ACOT12: variants seen among roughly 807,000 people sequenced by gnomAD.
ACOT12 encodes the protein acyl-CoA thioesterase 12.
ACOT12 carries 51 observed loss-of-function variants against 67.7 expected under a neutral mutation model. That is an observed-to-expected ratio of 0.75 (90% CI 0.60 to 0.95). The LOEUF is 0.95. ACOT12 is among the 40% of genes least tolerant of loss of function. The probability of loss-of-function intolerance (pLI) is 0.00; values close to 1 mark genes in which losing one functional copy is unlikely to be tolerated. For synonymous variants in ACOT12, 251 were observed against 244.6 expected (o/e 1.03, Z -0.24); for missense variants, 734 against 708.1 (o/e 1.04, Z -0.41).
downstream of ACOT12, among the ~76,000 whole-genome samples, chr5:81,326,961 T>G (rs1402357703): frequency 2.0e-5 from 3 of 152,142 alleles, no homozygotes; most frequent in Non-Finnish European, 4.4e-5. Context: ...TTTTAATAAT[T>G]TACTCTAAAT....
At chr5:81,327,770 G>A (rs1183224422), downstream of ACOT12, among the ~76,000 whole-genome samples, 3 of 152,088 alleles carry the variant, frequency 2.0e-5, no homozygotes, top group Non-Finnish European at 4.4e-5. Context: ...AGAAGCTTTC[G>A]GTCCTGTTAG....
Position 81,330,271 on chromosome 5 carries a change from A to G in ACOT12, c.*123T>C. 2 of 1,103,330 alleles carry G rather than the reference A, an allele frequency of 1.8e-6. No individual in the cohort carries two copies. Among genetic ancestry groups the G allele is most frequent in the Non-Finnish European group, 2.5e-6 (2 of 800,278 alleles). The allele number at this position is 1,103,330 out of a possible 1,614,324, so 68.3% of individuals were successfully genotyped here. Reference sequence around the variant, plus strand: ...ATGCATTTTGTTTTTTAACTCCGTCACTGCATTTTGCTTAGGGTTATATTA... The same window carrying G: ...ATGCATTTTGTTTTTTAACTCCGTCGCTGCATTTTGCTTAGGGTTATATTA... On this transcript the variant is annotated 3_prime_UTR_variant, in exon 15 of 15. Coordinates refer to ENST00000307624, the MANE Select transcript of ACOT12 (RefSeq NM_130767.3).
intron 8 of ACOT12, among the ~76,000 whole-genome samples, 164 bp downstream of exon 8, chr5:81,344,727 C>T (rs76983245): frequency 0.011 from 1,644 of 151,528 alleles, 26 homozygotes; most frequent in African/African-American, 0.037. Context: ...TCAGAGTGAT[C>T]GGGGGGAAAA....
intron 3 of ACOT12, among the ~76,000 whole-genome samples, chr5:81,370,362 AT>A (rs763607219): frequency 1.3e-5 from 2 of 152,242 alleles, no homozygotes; most frequent in Non-Finnish European, 2.9e-5. Context: ...AACAGTTGTT[AT>A]AACTGAACTG....
chr5:81,343,782 C>G, intron 10 of ACOT12, 36 bp downstream of exon 10: 1 of 1,604,650 alleles, frequency 6.2e-7, no homozygotes, highest in Non-Finnish European at 8.5e-7. Flanking sequence ...AATGATGAGA[C>G]TTTTATATGA....
chr5:81,359,947 T>G lies in ACOT12; in HGVS notation c.452A>C (p.Glu151Ala), dbSNP rs147339997. ...AERRKVRLQH[E>A]DTFNNLMKES... is the part of the protein sequence containing the mutation. ...CTTCATTAAATTGTTAAAGGTATCT[T>G]CATGTTGTAATCGAACTTTCCTTCT... is the stretch of plus-strand genomic sequence containing the variant. Residue 151 changes from glutamate (E) to alanine (A), a missense_variant, in exon 5 of 15, where the codon GAA becomes GCA. By Grantham distance (107) the Glu-to-Ala change is moderately radical (BLOSUM62 -1). Transcript: ENST00000307624. The G allele has an allele frequency of 5.8e-4, 932 of 1,612,754 alleles. 4 individuals carry two copies. The African/African-American group carries it at 0.011, about 19-fold the overall frequency.
At chr5:81,368,699 A>C (rs1185813847) in intron 3 of ACOT12, among the ~76,000 whole-genome samples, 1 of 152,026 alleles carries the variant, frequency 6.6e-6, no homozygotes, top group African/African-American at 2.4e-5. Flanking sequence ...CTTATATTTG[A>C]AAAAAAGAAA....
At chr5:81,317,760 G>A in the ACOT12 span, among the ~76,000 whole-genome samples, 165 of 152,242 alleles carry the variant, frequency 1.1e-3, 2 homozygotes, top group African/African-American at 3.9e-3. Flanking sequence ...TTCCCATCAG[G>A]CCCCTCCTTC....
the ACOT12 span, among the ~76,000 whole-genome samples, chr5:81,321,903 TG>T: frequency 6.6e-6 from 1 of 152,090 alleles, no homozygotes; most frequent in African/African-American, 2.4e-5. Flanking sequence ...GTGGAGATTG[TG>T]CCACTGCACT....
the ACOT12 span, among the ~76,000 whole-genome samples, chr5:81,324,973 C>A: frequency 6.6e-6 from 1 of 152,232 alleles, no homozygotes; most frequent in South Asian, 2.1e-4. Context: ...TTAGGAAATG[C>A]ATCCAGAAAA....
At chr5:81,346,861 T>C (rs1054279416) in intron 6 of ACOT12, among the ~76,000 whole-genome samples, 1 of 152,204 alleles carries the variant, frequency 6.6e-6, no homozygotes, top group Non-Finnish European at 1.5e-5. Flanking sequence ...AAATTTTCAA[T>C]GGTTATGAAA....
chr5:81,319,953 A>G, the ACOT12 span, among the ~76,000 whole-genome samples: 1 of 139,150 alleles, frequency 7.2e-6, no homozygotes, highest in African/African-American at 2.7e-5. Context: ...TAGGAGTACA[A>G]GAGTAAACAC....
chr5:81,323,239 C>G, the ACOT12 span, among the ~76,000 whole-genome samples: 2 of 152,110 alleles, frequency 1.3e-5, no homozygotes, highest in Admixed American at 1.3e-4. Context: ...CAGAAGTATA[C>G]AAGAATAACC....
chr5:81,331,206 C>T lies in ACOT12; in HGVS notation c.1392-266G>A, dbSNP rs189590300. ...ACCACCAAACTGAAGTTTTATTGTG[C>T]CCGACAGGGTTGTAATTTCAGCCTC... On this transcript the variant is annotated intron_variant, in intron 13 of 14. Coordinates refer to ENST00000307624, the MANE Select transcript of ACOT12 (RefSeq NM_130767.3). Among the ~76,000 whole-genome samples, 15 of 152,272 alleles carry T rather than the reference C, an allele frequency of 9.9e-5. No individual in the cohort carries two copies. In the East Asian group the frequency reaches 2.5e-3, roughly 25 times the overall value.
rs1760935156 is a variant in ACOT12 at position 81,393,953 on chromosome 5, TCCCGCGCCTCCCCGCAGCCCCGGCG to T, written c.127+10_127+34del. The stretch of plus-strand genomic sequence containing the variant: ...GCCGCCGCCGCTCCCGCAGCCCCGG[TCCCGCGCCTCCCCGCAGCCCCGGCG>T]CCCGCCTACCCGCCAGGCAGGCGGT... On this transcript the variant is annotated intron_variant, in intron 1 of 14. Transcript: ENST00000307624. 7.7e-7 allele frequency: 1 copy of T among 1,305,350 alleles called. No individual in the cohort carries two copies. Among genetic ancestry groups the T allele is most frequent in the Non-Finnish European group, 9.7e-7 (1 of 1,032,942 alleles). The allele number at this position is 1,305,350 out of a possible 1,614,324, so 80.9% of individuals were successfully genotyped here.
chr5:81,393,171 T>C (rs1760908548), intron 1 of ACOT12, among the ~76,000 whole-genome samples: 1 of 152,166 alleles, frequency 6.6e-6, no homozygotes, highest in African/African-American at 2.4e-5. Context: ...GCAGGGTGAA[T>C]GCAGAAGCAG....
chr5:81,312,842 T>G, the ACOT12 span: 1 of 433,120 alleles, frequency 2.3e-6, no homozygotes, highest in Non-Finnish European at 4.2e-6. Context: ...CTACCACTGT[T>G]TGGAGAAAAT....
intron 3 of ACOT12, among the ~76,000 whole-genome samples, chr5:81,370,886 A>G (rs565262831): frequency 4.5e-4 from 69 of 152,072 alleles, no homozygotes; most frequent in African/African-American, 1.6e-3. Flanking sequence ...AGATCCAGCA[A>G]CTCCTTTCCT....
chr5:81,373,904 C>T (rs147480344), intron 2 of ACOT12, among the ~76,000 whole-genome samples: 5,510 of 152,174 alleles, frequency 0.036, 310 homozygotes, highest in African/African-American at 0.12. Flanking sequence ...TGGCTATGGG[C>T]GCAGCTTCAG....
Sources: gnomAD v4.1 joint callset for allele counts (sites outside exome capture counted in the v4.1 genomes callset) on GRCh38, gnomAD v4.1.1 for gene constraint, MANE v1.5 for transcripts, NCBI Gene and HGNC (gene_info 2026-07-23, HGNC 2026-07-21) for gene names.